COPG1: variants seen among roughly 807,000 people sequenced by gnomAD.
COPG1 encodes coat protein complex I subunit gamma 1, also known as coatomer subunit gamma-1.
A neutral mutation model predicts 102.8 loss-of-function variants in COPG1; 29 were observed. The observed-to-expected ratio is 0.28, with a 90% CI of 0.21 to 0.38. The LOEUF is 0.38. Among genes scored for constraint, COPG1 ranks in the 10% least tolerant of loss-of-function variants. COPG1 has a pLI of 1.00. For missense variants in COPG1, 875 were observed against 1,132.7 expected (o/e 0.77, Z 3.27); for synonymous variants, 406 against 421.6 (o/e 0.96, Z 0.45).
At position 129,272,269 on chromosome 3, in the gene COPG1, A is replaced by G. The variant is rs142476058; in HGVS notation, c.2012A>G (p.Asp671Gly). Reference sequence around the variant, plus strand: ...TTTGACTGCACAAACACACTCAATGACCAGACCTTGGAGAATGTCACAGTG... The same window carrying G: ...TTTGACTGCACAAACACACTCAATGGCCAGACCTTGGAGAATGTCACAGTG... ...FQFDCTNTLNDQTLENVTVQM... is the reference protein window; with the variant it reads ...FQFDCTNTLNGQTLENVTVQM... Residue 671 changes from aspartate (D) to glycine (G), a missense_variant, in exon 20 of 24, where the codon GAC becomes GGC. Coordinates refer to ENST00000314797, the MANE Select transcript of COPG1 (RefSeq NM_016128.4). 226 of 1,613,946 alleles carry G rather than the reference A, an allele frequency of 1.4e-4. No individual in the cohort carries two copies. The highest frequency in any genetic ancestry group is 1.9e-4 in the Non-Finnish European group (219 of 1,179,960).
intron 5 of COPG1, 134 bp from the exon 6 acceptor site, chr3:129,254,534 G>T: frequency 1.6e-6 from 1 of 607,396 alleles, no homozygotes; most frequent in Non-Finnish European, 2.9e-6. Flanking sequence ...AGTTAGGCTT[G>T]GAGGGGCAGG....
At chr3:129,253,079 CCT>C (rs1560061910) in intron 5 of COPG1, 124 bp downstream of exon 5, 8 of 747,990 alleles carry the variant, frequency 1.1e-5, no homozygotes, top group Non-Finnish European at 1.8e-5. Flanking sequence ...TGGCAGCTTC[CCT>C]GTTACCACTG....
In COPG1 at chr3:129,272,366, C is replaced by G. The variant is rs139566500; in HGVS notation, c.2109C>G (p.Pro703=). The change falls in exon 20 of 24, where the codon CCC becomes CCG. Residue 703 remains proline (P), a synonymous_variant. Coordinates refer to ENST00000314797, the MANE Select transcript of COPG1 (RefSeq NM_016128.4). ...VPARSLPYNQ[P]GTCYTLVALP... ...CCCGGAGCCTGCCCTACAACCAGCC[C>G]GGGACCTGCTACACACTGGTGGCAC... is the stretch of plus-strand genomic sequence containing the variant. 6.2e-7 allele frequency: 1 copy of G among 1,614,086 alleles called. No homozygotes were observed. The highest frequency in any genetic ancestry group is 1.3e-5 in the African/African-American group (1 of 75,028).
chr3:129,258,994 C>G (rs1939868377), intron 10 of COPG1, among the ~76,000 whole-genome samples: 1 of 152,186 alleles, frequency 6.6e-6, no homozygotes, highest in African/African-American at 2.4e-5. Flanking sequence ...TGTTTTAGAA[C>G]AGGCCCATGG....
At chr3:129,257,975 G>A (rs1258627771) in intron 10 of COPG1, 115 bp downstream of exon 10, 12 of 1,344,996 alleles carry the variant, frequency 8.9e-6, no homozygotes, top group Middle Eastern at 2.7e-4. Context: ...TAAGGAGTCT[G>A]TACCTAGGAA....
At chr3:129,250,301 C>G (rs1939666874) in intron 1 of COPG1, among the ~76,000 whole-genome samples, 1 of 152,178 alleles carries the variant, frequency 6.6e-6, no homozygotes, top group East Asian at 1.9e-4. Flanking sequence ...CAGACATCAA[C>G]CAGATAATCA....
intron 11 of COPG1, 73 bp downstream of exon 11, chr3:129,260,473 C>G (rs1939905347): frequency 1.3e-6 from 2 of 1,543,176 alleles, no homozygotes; most frequent in African/African-American, 1.4e-5. Flanking sequence ...TCTGACCTGG[C>G]TGGGAAGGAT....
At position 129,259,343 on chromosome 3, in the gene COPG1, C is replaced by T. The variant is rs952839793; in HGVS notation, c.872-990C>T. On this transcript the variant is annotated intron_variant, in intron 10 of 23. Transcript: ENST00000314797. ...GGGCGTGGTGGTGCGCATCTGTAAT[C>T]GCAGCTACTCATGAGGCTGAGGCAG... 1.4e-4 allele frequency among the ~76,000 whole-genome samples: 21 copies of T among 151,770 alleles called. 1 individual carries two copies. Among genetic ancestry groups the T allele is most frequent in the Non-Finnish European group, 4.4e-5 (3 of 67,998 alleles).
At chr3:129,254,000 CAAAAA>C (rs58354730) in intron 5 of COPG1, among the ~76,000 whole-genome samples, 1 of 74,028 alleles carries the variant, frequency 1.4e-5, no homozygotes, top group Non-Finnish European at 2.9e-5. Context: ...GACTGCGTCT[CAAAAA>C]AAAAAAAAAA....
chr3:129,254,627 C>G, intron 5 of COPG1, 41 bp from the exon 6 acceptor site: 1 of 1,533,394 alleles, frequency 6.5e-7, no homozygotes, highest in Non-Finnish European at 9.0e-7. Flanking sequence ...AGTAAACAGG[C>G]CCAGGCTCTC....
chr3:129,270,713 G>T (rs907597026), intron 18 of COPG1, among the ~76,000 whole-genome samples: 10 of 152,208 alleles, frequency 6.6e-5, no homozygotes, highest in African/African-American at 1.7e-4. Context: ...TAAAAATAAG[G>T]CCTACCTTTC....
chr3:129,270,498 ACT>A (rs1940163221), intron 18 of COPG1, among the ~76,000 whole-genome samples: 2 of 151,952 alleles, frequency 1.3e-5, no homozygotes, highest in Non-Finnish European at 2.9e-5. Context: ...CAGGCCCAAA[ACT>A]CTGAGTCCCA....
rs765360732 is a variant in COPG1 at position 129,275,240 on chromosome 3, G to A, written c.2442G>A (p.Glu814=). The A allele has an allele frequency of 9.9e-6, 16 of 1,614,078 alleles. 1 individual carries two copies. Among genetic ancestry groups the A allele is most frequent in the Middle Eastern group, 1.6e-4 (1 of 6,084 alleles). Residue 814 remains glutamate (E), a synonymous_variant, in exon 23 of 24, where the codon GAG becomes GAA. Transcript: ENST00000314797. The surrounding 1 kb of genome is among the most constrained non-coding windows in gnomAD (Gnocchi z 5.0). ...IVKFLGMHPC[E]RSDKVPDNKN... The stretch of plus-strand genomic sequence containing the variant: ...AGTTCTTGGGAATGCACCCTTGTGA[G>A]AGGTCAGACAAAGTGCCGGATAACA...
chr3:129,266,912 C>T, intron 14 of COPG1, 112 bp from the exon 15 acceptor site: 2 of 898,894 alleles, frequency 2.2e-6, no homozygotes, highest in Non-Finnish European at 3.6e-6. Context: ...TGGCTTGAGA[C>T]TTCTTGCCTC....
At chr3:129,268,719 G>A (rs1398238886) in intron 17 of COPG1, 99 bp downstream of exon 17, 8 of 1,398,816 alleles carry the variant, frequency 5.7e-6, no homozygotes, top group Non-Finnish European at 6.9e-6. Context: ...GTGGGTGGCA[G>A]TTATGCTGGG....
In COPG1 at chr3:129,249,759, G is replaced by C; in HGVS notation, c.37+13G>C. 1 of 1,551,122 alleles carries C rather than the reference G, an allele frequency of 6.4e-7. No homozygotes were observed. The highest frequency in any genetic ancestry group is 8.7e-7 in the Non-Finnish European group (1 of 1,146,720). ...GATGAGGAGTCAGGTGAGGGGGCCA[G>C]GCCTGGGTCTGAGGGAGGCCGGACC... is the stretch of plus-strand genomic sequence containing the variant. On this transcript the variant is annotated intron_variant, in intron 1 of 23. Transcript: ENST00000314797.
rs746062966 is a variant in COPG1, at chr3:129,260,373, C to G, written c.912C>G (p.Arg304=). ...GCAGCTCACCCAAGGCTGCTCTCCG[C>G]TATGCTGCTGTTCGTACCCTCAATA... is the stretch of plus-strand genomic sequence containing the variant. The part of the protein sequence containing the change: ...LFCSSPKAAL[R]YAAVRTLNKV... The change falls in exon 11 of 24, where the codon CGC becomes CGG. Residue 304 remains arginine, a synonymous_variant. Transcript: ENST00000314797. 6.2e-7 allele frequency: 1 copy of G among 1,614,180 alleles called. No homozygotes were observed. The highest frequency in any genetic ancestry group is 2.2e-5 in the East Asian group (1 of 44,892).
intron 4 of COPG1, 56 bp from the exon 5 acceptor site, chr3:129,252,820 C>T: frequency 6.3e-7 from 1 of 1,584,370 alleles, no homozygotes; most frequent in Non-Finnish European, 8.7e-7. Context: ...TATCTTCTCC[C>T]AACTCTGGCC....
At position 129,259,354 on chromosome 3, in the gene COPG1, A is replaced by G. The variant is rs558575115; in HGVS notation, c.872-979A>G. 2.6e-5 allele frequency among the ~76,000 whole-genome samples: 4 copies of G among 151,602 alleles called. No homozygotes were observed. The South Asian group carries it at 8.4e-4, about 32-fold the overall frequency. Reference sequence around the variant, plus strand: ...TGCGCATCTGTAATCGCAGCTACTCATGAGGCTGAGGCAGGAGAATCACTT... The same window carrying G: ...TGCGCATCTGTAATCGCAGCTACTCGTGAGGCTGAGGCAGGAGAATCACTT... On this transcript the variant is annotated intron_variant, in intron 10 of 23. Coordinates refer to ENST00000314797, the MANE Select transcript of COPG1 (RefSeq NM_016128.4).
Sources: gnomAD v4.1 joint callset for allele counts (sites outside exome capture counted in the v4.1 genomes callset) on GRCh38, gnomAD v4.1.1 for gene constraint, Gnocchi (gnomAD v3.1) non-coding constraint, MANE v1.5 for transcripts, NCBI Gene and HGNC (gene_info 2026-07-23, HGNC 2026-07-21) for gene names.